The following RRAGC variants were observed in gnomAD, a reference collection of about 807,000 sequenced individuals.
The protein encoded by RRAGC is ras-related GTP-binding protein C.
Under a neutral mutation model 37.1 loss-of-function variants are expected in RRAGC, and 8 were observed. The ratio of observed to expected loss-of-function variants is 0.22; its 90% CI spans 0.13 to 0.39. RRAGC has a LOEUF of 0.39. RRAGC is among the 10% of genes least tolerant of loss of function. The pLI, the probability that RRAGC is intolerant of heterozygous loss-of-function variation, is 1.00. For missense variants in RRAGC, 342 were observed against 497.6 expected, an observed-to-expected ratio of 0.69 and a Z score of 2.98; for synonymous variants, 190 against 181.1, an observed-to-expected ratio of 1.05 and a Z score of -0.39.
intron 6 of RRAGC, among the ~76,000 whole-genome samples, chr1:38,842,259 G>A (rs1641973639): frequency 6.6e-6 from 1 of 152,086 alleles, no homozygotes; most frequent in South Asian, 2.1e-4. Context: ...GTGACAGAGC[G>A]AGACTCTATC....
rs758550293 is a variant in RRAGC, at chr1:38,839,558, T to C, written c.1195A>G (p.Ile399Val). The C allele has an allele frequency of 1.4e-5, 22 of 1,613,890 alleles. No individual in the cohort carries two copies. The highest frequency in any genetic ancestry group is 2.5e-6 in the Non-Finnish European group (3 of 1,180,004). The change falls in exon 7 of 7, where the codon ATC (isoleucine) becomes GTC (valine). Residue 399 changes from isoleucine (I) to valine (V), a missense_variant. Around this residue, in one of 3 missense-constraint regions of RRAGC, gnomAD observed 104 missense variants for 127.0 expected, o/e 0.82. Coordinates refer to ENST00000373001, the MANE Select transcript of RRAGC (RefSeq NM_022157.4). Reference protein sequence around the residue: ...LTHNGTPRNAI With the variant: ...LTHNGTPRNAV ...CCCCGACGCTGGGATTCAGACTAGATGGCGTTTCGTGGCGTGCCATTGTGT... is the reference window on the plus strand; with the variant it reads ...CCCCGACGCTGGGATTCAGACTAGACGGCGTTTCGTGGCGTGCCATTGTGT...
chr1:38,839,330 AT>A lies in RRAGC; in HGVS notation c.*222del, dbSNP rs201062095. ...ACACTTGAGTTCTGTGGTCTCCAGA[AT>A]TTTTTTTTTTTTTTTTTGCCATTTT... On this transcript the variant is annotated 3_prime_UTR_variant, in exon 7 of 7. Transcript: ENST00000373001. 56,722 of 327,764 alleles carry A rather than the reference AT, an allele frequency of 0.17. 2 individuals carry two copies. The highest frequency in any genetic ancestry group is 0.25 in the Middle Eastern group (308 of 1,214). The allele number at this position is 327,764 out of a possible 1,614,324, so 20.3% of individuals were successfully genotyped here.
In RRAGC at chr1:38,859,368, G is replaced by A. The variant is rs1011778990; in HGVS notation, c.237+42C>T. 5.2e-6 allele frequency: 8 copies of A among 1,528,146 alleles called. No individual in the cohort carries two copies. The Admixed American group carries it at 7.9e-5, about 15-fold the overall frequency. 94.7% of individuals were successfully genotyped at this position (1,528,146 alleles called of 1,614,324 possible). The stretch of plus-strand genomic sequence containing the variant: ...GGCGTCCCCGCTACCGGCCACCTGA[G>A]AACCGGGGAGGGGGCGGGGGACTGG... On this transcript the variant is annotated intron_variant, in intron 1 of 6. Coordinates refer to ENST00000373001, the MANE Select transcript of RRAGC (RefSeq NM_022157.4).
chr1:38,839,255 G>T lies in RRAGC; in HGVS notation c.*298C>A. 3.6e-6 allele frequency: 1 copy of T among 278,350 alleles called. No individual in the cohort carries two copies. The highest frequency in any genetic ancestry group is 6.6e-6 in the Non-Finnish European group (1 of 151,334). 17.2% of individuals were successfully genotyped at this position (278,350 alleles called of 1,614,324 possible). A position where few individuals can be genotyped will look rare whatever the true frequency, so the allele number is the denominator to read the frequency against. ...GGATGGGTAACTGGTGTTATCTCCAGGTCCAAAATATCCCAACTACTTAAA... is the reference window on the plus strand; with the variant it reads ...GGATGGGTAACTGGTGTTATCTCCATGTCCAAAATATCCCAACTACTTAAA... On this transcript the variant is annotated 3_prime_UTR_variant, in exon 7 of 7. Transcript: ENST00000373001.
At chr1:38,852,309 C>A in intron 4 of RRAGC, 65 bp downstream of exon 4, 1 of 936,412 alleles carries the variant, frequency 1.1e-6, no homozygotes, top group Non-Finnish European at 1.7e-6. Flanking sequence ...AATTTGAAAA[C>A]ACAAATATAT....
intron 6 of RRAGC, among the ~76,000 whole-genome samples, chr1:38,841,793 G>C (rs1182521357): frequency 6.6e-6 from 1 of 152,026 alleles, no homozygotes; most frequent in African/African-American, 2.4e-5. Flanking sequence ...AGACCACCCT[G>C]AGCAACACAG....
At chr1:38,848,269 T>G (rs970470368) in intron 5 of RRAGC, among the ~76,000 whole-genome samples, 1 of 152,184 alleles carries the variant, frequency 6.6e-6, no homozygotes, top group Non-Finnish European at 1.5e-5. Flanking sequence ...TTATAAGTGC[T>G]ACATGTTCTC....
At chr1:38,851,559 C>T in intron 5 of RRAGC, 56 bp downstream of exon 5, 1 of 1,434,612 alleles carries the variant, frequency 7.0e-7, no homozygotes, top group African/African-American at 1.5e-5. Context: ...CTGAACAAAT[C>T]AAGTTAATAG....
At position 38,859,706 on chromosome 1, in the gene RRAGC, C is replaced by T; in HGVS notation, c.-60G>A. On this transcript the variant is annotated 5_prime_UTR_variant, in exon 1 of 7. Coordinates refer to ENST00000373001, the MANE Select transcript of RRAGC (RefSeq NM_022157.4). ...GCCAGGCCAGGCCGAGCCAGGCCGC[C>T]GCCTCCCCAGTCCGCCTCCGCCGCC... The T allele has an allele frequency of 1.5e-6, 2 of 1,325,370 alleles. No individual in the cohort carries two copies. Among genetic ancestry groups the T allele is most frequent in the Non-Finnish European group, 1.9e-6 (2 of 1,033,132 alleles). 82.1% of individuals were successfully genotyped at this position (1,325,370 alleles called of 1,614,324 possible).
intron 4 of RRAGC, 66 bp downstream of exon 4, chr1:38,852,308 A>G (rs570663994): frequency 1.1e-6 from 1 of 922,780 alleles, no homozygotes; most frequent in Admixed American, 2.0e-5. Flanking sequence ...AAATTTGAAA[A>G]CACAAATATA....
At position 38,859,627 on chromosome 1, in the gene RRAGC, G is replaced by A; in HGVS notation, c.20C>T (p.Ala7Val). The change falls in exon 1 of 7, where the codon GCG becomes GTG. Residue 7 changes from alanine (A) to valine (V), a missense_variant. Around this residue, in one of 3 missense-constraint regions of RRAGC, gnomAD observed 104 missense variants for 93.4 expected, o/e 1.11. Transcript: ENST00000373001. MSLQYGAEETPLAGSYG... is the reference protein window; with the variant it reads MSLQYGVEETPLAGSYG... ...ACTGCCGGCGAGGGGCGTCTCCTCC[G>A]CCCCGTACTGCAGGGACATGGTGCT... is the stretch of plus-strand genomic sequence containing the variant. 2 of 1,558,792 alleles carry A rather than the reference G, an allele frequency of 1.3e-6. No homozygotes were observed. The highest frequency in any genetic ancestry group is 1.2e-5 in the South Asian group (1 of 84,824).
intron 6 of RRAGC, among the ~76,000 whole-genome samples, chr1:38,845,566 T>C (rs1332068847): frequency 2.0e-5 from 3 of 152,170 alleles, no homozygotes; most frequent in African/African-American, 7.2e-5. Context: ...ATGGCACATA[T>C]ATACCTATGT....
At chr1:38,843,486 C>T (rs1374498247) in intron 6 of RRAGC, among the ~76,000 whole-genome samples, 2 of 151,884 alleles carry the variant, frequency 1.3e-5, no homozygotes, top group Admixed American at 1.3e-4. Flanking sequence ...TTTGGGAGGC[C>T]GAGGCAGGCA....
chr1:38,844,989 G>T (rs774985565), intron 6 of RRAGC, among the ~76,000 whole-genome samples: 2 of 152,216 alleles, frequency 1.3e-5, no homozygotes, highest in Non-Finnish European at 2.9e-5. Context: ...ATGCTGGAGA[G>T]GATGTGGAGA....
rs915993418 is a variant in RRAGC, at chr1:38,859,723, TCCGCCG to T, written c.-83_-78del. The T allele has an allele frequency of 1.7e-6, 2 of 1,167,300 alleles. No homozygotes were observed. Among genetic ancestry groups the T allele is most frequent in the Non-Finnish European group, 2.2e-6 (2 of 929,186 alleles). 72.3% of individuals were successfully genotyped at this position (1,167,300 alleles called of 1,614,324 possible). A position where few individuals can be genotyped will look rare whatever the true frequency, so the allele number is the denominator to read the frequency against. ...CAGGCCGCCGCCTCCCCAGTCCGCCTCCGCCGCCGCCGCCACCACCGCCACCGCCCC... is the reference window on the plus strand; with the variant it reads ...CAGGCCGCCGCCTCCCCAGTCCGCCTCCGCCGCCACCACCGCCACCGCCCC... On this transcript the variant is annotated 5_prime_UTR_variant, in exon 1 of 7. Coordinates refer to ENST00000373001, the MANE Select transcript of RRAGC (RefSeq NM_022157.4).
intron 5 of RRAGC, among the ~76,000 whole-genome samples, chr1:38,851,256 C>A (rs1168486249): frequency 1.4e-5 from 2 of 145,468 alleles, no homozygotes; most frequent in African/African-American, 2.6e-5. Context: ...GGAACCAGAA[C>A]TTACTTTGTT....
At chr1:38,851,474 C>T (rs1055429876) in intron 5 of RRAGC, 141 bp downstream of exon 5, 1 of 651,398 alleles carries the variant, frequency 1.5e-6, no homozygotes, top group Non-Finnish European at 2.4e-6. Flanking sequence ...AATCATGCTC[C>T]AAGTTAAAGC....
At chr1:38,846,372 G>A (rs1570862499) in intron 5 of RRAGC, 1 of 269,196 alleles carries the variant, frequency 3.7e-6, no homozygotes, top group Non-Finnish European at 6.9e-6. Context: ...AAATGACAAC[G>A]TTACCAACAT....
At chr1:38,858,190 TG>T (rs1642190865) in intron 1 of RRAGC, among the ~76,000 whole-genome samples, 1 of 152,126 alleles carries the variant, frequency 6.6e-6, no homozygotes, top group Non-Finnish European at 1.5e-5. Context: ...CCAGCAAACC[TG>T]GAAGAACGCT....
Sources: gnomAD v4.1 joint callset for allele counts (sites outside exome capture counted in the v4.1 genomes callset) on GRCh38, gnomAD v4.1.1 for gene constraint, gnomAD v4.1.1 regional missense constraint, MANE v1.5 for transcripts, NCBI Gene and HGNC (gene_info 2026-07-23, HGNC 2026-07-21) for gene names.